Variants in ARHGEF9 observed in about 807,000 individuals in gnomAD.
ARHGEF9 encodes the protein rho guanine nucleotide exchange factor 9.
ARHGEF9 carries 2 observed loss-of-function variants against 41.3 expected under a neutral mutation model. That is an observed-to-expected ratio of 0.05 (90% CI 0.02 to 0.15). The LOEUF (loss-of-function observed/expected upper bound fraction) is 0.15. Among genes scored for constraint, ARHGEF9 ranks in the 10% least tolerant of loss-of-function variants. The pLI is 1.00. For synonymous variants in ARHGEF9, 160 were observed against 154.4 expected (o/e 1.04, Z -0.27); for missense variants, 225 against 424.7 (o/e 0.53, Z 4.13).
intron 1 of ARHGEF9, among the ~76,000 whole-genome samples, chrX:63,781,681 C>T (rs2056383741): frequency 8.9e-6 from 1 of 111,972 alleles, no homozygotes; most frequent in Non-Finnish European, 1.9e-5. Flanking sequence ...TCGTCCTTGT[C>T]CCACTACAAT....
chrX:63,695,287 T>C (rs1420890429), intron 4 of ARHGEF9, among the ~76,000 whole-genome samples: 1 of 112,108 alleles, frequency 8.9e-6, no homozygotes, highest in Admixed American at 9.5e-5. Flanking sequence ...ACTATGTTTC[T>C]GATATATGTT....
chrX:63,674,049 G>A lies in ARHGEF9; in HGVS notation c.934C>T (p.Leu312=). ...GGTAAGTTTCCTACCTCCCAGTCTA[G>A]GACAGAAGCCTGCCACTGAGCAATC... The part of the protein sequence containing the change: ...DKIAQWQASV[L]DWEGEDILDR... The change falls in exon 6 of 10, where the codon CTA becomes TTA. Residue 312 remains leucine (L), a synonymous_variant. Coordinates refer to ENST00000671741, the MANE Select transcript of ARHGEF9 (RefSeq NM_001353921.2). 2.5e-6 allele frequency: 3 copies of A among 1,211,096 alleles called. No homozygotes were observed. The highest frequency in any genetic ancestry group is 3.4e-6 in the Non-Finnish European group (3 of 895,093).
intron 1 of ARHGEF9, among the ~76,000 whole-genome samples, chrX:63,774,045 ATAT>A (rs2056247973): frequency 2.0e-5 from 2 of 99,012 alleles, no homozygotes; most frequent in African/African-American, 7.6e-5. Flanking sequence ...ATCCATTATA[ATAT>A]CTATCTATCT....
intron 1 of ARHGEF9, among the ~76,000 whole-genome samples, chrX:63,783,701 A>C (rs1382011395): frequency 9.0e-6 from 1 of 111,721 alleles, no homozygotes; most frequent in Non-Finnish European, 1.9e-5. Flanking sequence ...AGGAGACTCA[A>C]GTGCTAGACT....
At chrX:63,668,431 C>T (rs1602313688) in intron 6 of ARHGEF9, among the ~76,000 whole-genome samples, 1 of 111,528 alleles carries the variant, frequency 9.0e-6, no homozygotes. Flanking sequence ...AGCCACGGTG[C>T]CCAGCATCAA....
chrX:63,642,679 T>G (rs1261062910), intron 9 of ARHGEF9: 1 of 111,729 alleles, frequency 9.0e-6, no homozygotes, highest in Non-Finnish European at 1.9e-5. Flanking sequence ...TTTACATGGC[T>G]GCTGGAAATT....
chrX:63,645,387 C>T (rs1296064451), intron 8 of ARHGEF9, among the ~76,000 whole-genome samples: 1 of 110,830 alleles, frequency 9.0e-6, no homozygotes, highest in Admixed American at 9.6e-5. Flanking sequence ...ATTCCCCCAA[C>T]CCCACAACAG....
At chrX:63,697,328 G>A (rs782506980) in intron 3 of ARHGEF9, 24 bp from the exon 4 acceptor site, 1 of 1,202,676 alleles carries the variant, frequency 8.3e-7, no homozygotes, top group Non-Finnish European at 1.1e-6. Context: ...AAAAGCCTAG[G>A]CTGAGGAAGT....
rs1341944192 is a variant in ARHGEF9 at position 63,635,286 on chromosome X, G to A, written c.*2742C>T. Reference sequence around the variant, plus strand: ...CATTAGAAATATACACATAGAGAGGGGGGGAAAAAGAGAGAATAATTAGAT... The same window carrying A: ...CATTAGAAATATACACATAGAGAGGAGGGGAAAAAGAGAGAATAATTAGAT... On this transcript the variant is annotated 3_prime_UTR_variant, in exon 10 of 10. Coordinates refer to ENST00000671741, the MANE Select transcript of ARHGEF9 (RefSeq NM_001353921.2). 3.9e-6 allele frequency: 2 copies of A among 513,536 alleles called. No individual in the cohort carries two copies. The highest frequency in any genetic ancestry group is 3.2e-4 in the Middle Eastern group (1 of 3,132). 42.3% of individuals were successfully genotyped at this position (513,536 alleles called of 1,213,427 possible).
intron 2 of ARHGEF9, among the ~76,000 whole-genome samples, chrX:63,706,753 G>A (rs782547445): frequency 6.2e-5 from 7 of 112,085 alleles, no homozygotes; most frequent in Non-Finnish European, 1.1e-4. Context: ...CATCTTGAGT[G>A]CCACATTTGG....
intron 8 of ARHGEF9, chrX:63,644,281 G>C (rs2047846375): frequency 7.3e-6 from 2 of 275,361 alleles, no homozygotes; most frequent in Non-Finnish European, 1.3e-5. Context: ...ACAGAATAGA[G>C]AGCCAAAAAA....
chrX:63,658,462 C>T (rs782030614), intron 7 of ARHGEF9, among the ~76,000 whole-genome samples: 1 of 112,036 alleles, frequency 8.9e-6, no homozygotes, highest in East Asian at 2.8e-4. Flanking sequence ...TGCTGCCTAA[C>T]CTACCAGCTG....
At chrX:63,686,842 A>T (rs1410085116) in intron 4 of ARHGEF9, among the ~76,000 whole-genome samples, 1 of 110,969 alleles carries the variant, frequency 9.0e-6, no homozygotes, top group Non-Finnish European at 1.9e-5. Context: ...TGCAAGCAAA[A>T]GGTAAAATAG....
intron 7 of ARHGEF9, among the ~76,000 whole-genome samples, chrX:63,662,063 T>C (rs781795187): frequency 9.0e-6 from 1 of 111,636 alleles, no homozygotes; most frequent in African/African-American, 3.3e-5. Context: ...TGTCTATTTC[T>C]TTGTTGGAGG....
intron 4 of ARHGEF9, among the ~76,000 whole-genome samples, chrX:63,681,765 G>A (rs2050638965): frequency 9.0e-6 from 1 of 110,567 alleles, no homozygotes; most frequent in African/African-American, 3.3e-5. Context: ...GAAAAACTTA[G>A]GGAAAAAAAT....
chrX:63,718,325 T>C (rs1181066158), intron 2 of ARHGEF9, among the ~76,000 whole-genome samples: 1 of 111,021 alleles, frequency 9.0e-6, no homozygotes, highest in East Asian at 2.8e-4. Flanking sequence ...AAAAAGAAAA[T>C]ATATATATAC....
chrX:63,656,908 A>T (rs1649451446), intron 7 of ARHGEF9: 1 of 112,175 alleles, frequency 8.9e-6, no homozygotes, highest in African/African-American at 3.2e-5. Context: ...ATCTTTTTGA[A>T]TGTCAAATAT....
intron 1 of ARHGEF9, among the ~76,000 whole-genome samples, chrX:63,774,590 A>T (rs1406280655): frequency 9.0e-6 from 1 of 111,435 alleles, no homozygotes; most frequent in Non-Finnish European, 1.9e-5. Context: ...TATTCCTTTA[A>T]TGCCTTGATT....
intron 8 of ARHGEF9, among the ~76,000 whole-genome samples, chrX:63,653,935 A>T (rs1246029717): frequency 9.0e-6 from 1 of 111,267 alleles, no homozygotes; most frequent in Non-Finnish European, 1.9e-5. Flanking sequence ...ATACAAAATT[A>T]TATCTATCCA....
Sources: gnomAD v4.1 joint callset for allele counts (sites outside exome capture counted in the v4.1 genomes callset) on GRCh38, gnomAD v4.1.1 for gene constraint, MANE v1.5 for transcripts, NCBI Gene and HGNC (gene_info 2026-07-23, HGNC 2026-07-21) for gene names.